ZAN: variants seen among roughly 807,000 people sequenced by gnomAD.
ZAN encodes zonadhesin, also known as zonadhesin (gene/pseudogene).
ZAN carries 260 observed loss-of-function variants against 286.2 expected under a neutral mutation model. The ratio of observed to expected loss-of-function variants is 0.91; its 90% CI spans 0.82 to 1.01. The LOEUF is 1.01. ZAN is among the 50% of genes least tolerant of loss of function. ZAN has a pLI of 0.00. For synonymous variants in ZAN, 1,368 were observed against 1,417.5 expected (o/e 0.97, Z 0.79); for missense variants, 3,410 against 3,639.2 (o/e 0.94, Z 1.62).
At chr7:100,749,963 A>G (rs1268677857) in intron 11 of ZAN, among the ~76,000 whole-genome samples, 1 of 148,496 alleles carries the variant, frequency 6.7e-6, no homozygotes, top group Middle Eastern at 3.2e-3. Flanking sequence ...AGGCAGGACA[A>G]TCGCTTGAAC....
rs974094279 is a variant in ZAN, at chr7:100,788,123, G to C, written c.7214G>C (p.Gly2405Ala). The C allele has an allele frequency of 6.7e-7, 1 of 1,500,780 alleles. No homozygotes were observed. The highest frequency in any genetic ancestry group is 9.0e-7 in the Non-Finnish European group (1 of 1,110,808). The allele number at this position is 1,500,780 out of a possible 1,614,324, so 93.0% of individuals were successfully genotyped here. A position where few individuals can be genotyped will look rare whatever the true frequency, so the allele number is the denominator to read the frequency against. The change falls in exon 38 of 48, where the codon GGT becomes GCT. Residue 2405 changes from glycine to alanine, a missense_variant. This residue lies in a region of ZAN where 1,289 missense variants were observed against 1,314.3 expected (regional missense o/e 0.98). Coordinates refer to ENST00000613979, the MANE Select transcript of ZAN (RefSeq NM_003386.3). ...GGCTATAAAGTGCAGCTCCAAGCTG[G>C]TCTGGAGCTTGTGGTAAGAGCTGGG... ...VYGYKVQLQA[G>A]LELVVNNQKM...
In ZAN at chr7:100,752,069, C is replaced by T. The variant is rs757236449; in HGVS notation, c.1964C>T (p.Thr655Ile). ...EKPTISTEKPTVPTEEPTTPT... is the reference protein window; with the variant it reads ...EKPTISTEKPIVPTEEPTTPT... ...CCCACCATTTCCACAGAAAAACCCACCGTCCCCACAGAAGAGCCCACCACC... is the reference window on the plus strand; with the variant it reads ...CCCACCATTTCCACAGAAAAACCCATCGTCCCCACAGAAGAGCCCACCACC... Residue 655 changes from threonine (T) to isoleucine (I), a missense_variant, in exon 14 of 48, where the codon ACC (threonine) becomes ATC (isoleucine). Physicochemically the swap from Thr to Ile is moderately conservative, Grantham distance 89. Transcript: ENST00000613979. 44 of 1,612,860 alleles carry T rather than the reference C, an allele frequency of 2.7e-5. No homozygotes were observed. Among genetic ancestry groups the T allele is most frequent in the Non-Finnish European group, 3.6e-5 (42 of 1,179,736 alleles).
Position 100,797,777 on chromosome 7 carries a change from T to A in ZAN, c.*45T>A. The stretch of plus-strand genomic sequence containing the variant: ...TCTTCAGACAAGAAGATTAAATAAA[T>A]TTATATATTTATTTATTTGAGACAG... On this transcript the variant is annotated 3_prime_UTR_variant, in exon 48 of 48. Coordinates refer to ENST00000613979, the MANE Select transcript of ZAN (RefSeq NM_003386.3). The A allele has an allele frequency of 1.3e-6, 2 of 1,590,606 alleles. No individual in the cohort carries two copies. The highest frequency in any genetic ancestry group is 8.6e-7 in the Non-Finnish European group (1 of 1,167,930).
intron 26 of ZAN, among the ~76,000 whole-genome samples, chr7:100,768,378 G>A (rs376066483): frequency 2.0e-5 from 3 of 152,220 alleles, no homozygotes; most frequent in East Asian, 3.9e-4. Flanking sequence ...AGGCTGACGC[G>A]GGAGAATCGC....
At chr7:100,757,619 G>A (rs1035113989) in intron 15 of ZAN, among the ~76,000 whole-genome samples, 2 of 151,820 alleles carry the variant, frequency 1.3e-5, no homozygotes, top group Non-Finnish European at 2.9e-5. Context: ...GCCGGGCGTC[G>A]TGGCGGGTGC....
chr7:100,769,338 C>A (rs1810220089), intron 27 of ZAN, among the ~76,000 whole-genome samples: 1 of 152,096 alleles, frequency 6.6e-6, no homozygotes, highest in Non-Finnish European at 1.5e-5. Flanking sequence ...AGGTGATCTG[C>A]CTGCCTTGGC....
In ZAN at chr7:100,794,230, G is replaced by A; in HGVS notation, c.8097G>A (p.Leu2699=). The A allele has an allele frequency of 1.9e-6, 3 of 1,610,984 alleles. No homozygotes were observed. Among genetic ancestry groups the A allele is most frequent in the Admixed American group, 3.3e-5 (2 of 59,786 alleles). ...FSCRAGEVCT[L]GNHTQGCFPE... ...GCAGAGCGGGGGAGGTCTGCACCCT[G>A]GGGAACCACACCCAAGGCTGCTTTC... The change falls in exon 44 of 48, where the codon CTG becomes CTA. Residue 2699 remains leucine, a synonymous_variant. Transcript: ENST00000613979.
intron 7 of ZAN, among the ~76,000 whole-genome samples, chr7:100,743,338 A>G (rs1358870555): frequency 6.6e-6 from 1 of 151,704 alleles, no homozygotes; most frequent in Middle Eastern, 3.2e-3. Context: ...CTTTCTTTCT[A>G]TGCACCCAAG....
chr7:100,771,973 G>T lies in ZAN; in HGVS notation c.5378G>T (p.Cys1793Phe). 1 of 1,608,708 alleles carries T rather than the reference G, an allele frequency of 6.2e-7. No individual in the cohort carries two copies. The highest frequency in any genetic ancestry group is 8.5e-7 in the Non-Finnish European group (1 of 1,178,952). ...TCCCTGCAGGCCTACGCGTCCCTGTGTGCCCAGGCTGGCCAGGCCCCTGCC... is the reference window on the plus strand; with the variant it reads ...TCCCTGCAGGCCTACGCGTCCCTGTTTGCCCAGGCTGGCCAGGCCCCTGCC... ...CRSLQAYASL[C>F]AQAGQAPAWR... is the part of the protein sequence containing the mutation. Residue 1793 changes from cysteine (C) to phenylalanine (F), a missense_variant, in exon 29 of 48, where the codon TGT becomes TTT. Around this residue, in one of 7 missense-constraint regions of ZAN, gnomAD observed 1,289 missense variants for 1,314.3 expected, o/e 0.98. Coordinates refer to ENST00000613979, the MANE Select transcript of ZAN (RefSeq NM_003386.3).
At position 100,789,273 on chromosome 7, in the gene ZAN, C is replaced by T. The variant is rs776712886; in HGVS notation, c.7283C>T (p.Thr2428Ile). 2 of 1,613,880 alleles carry T rather than the reference C, an allele frequency of 1.2e-6. No individual in the cohort carries two copies. The highest frequency in any genetic ancestry group is 2.2e-5 in the East Asian group (1 of 44,884). ...AGGCCAAATGAACACCTGCGGGTCA[C>T]CCTGTGGGGCCAACGGCTCTACCTG... is the stretch of plus-strand genomic sequence containing the variant. ...PYRPNEHLRV[T>I]LWGQRLYLVT... is the part of the protein sequence containing the mutation. The change falls in exon 39 of 48, where the codon ACC (threonine) becomes ATC (isoleucine). Residue 2428 changes from threonine to isoleucine, a missense_variant. Physicochemically the swap from Thr to Ile is moderately conservative, Grantham distance 89. Transcript: ENST00000613979.
At chr7:100,735,666 A>T in intron 2 of ZAN, 54 bp from the exon 3 acceptor site, 1 of 1,300,442 alleles carries the variant, frequency 7.7e-7, no homozygotes, top group Non-Finnish European at 1.1e-6. Flanking sequence ...TGAATCTTAT[A>T]ATTCTTGATA....
chr7:100,742,132 G>C (rs1240337507), intron 7 of ZAN, among the ~76,000 whole-genome samples: 1 of 44,752 alleles, frequency 2.2e-5, no homozygotes, highest in Non-Finnish European at 4.5e-5. Context: ...CAGGCAGAGG[G>C]TCTCCTCACT....
chr7:100,767,996 C>T lies in ZAN; in HGVS notation c.5026C>T (p.Leu1676Phe), dbSNP rs746036567. The T allele has an allele frequency of 3.1e-6, 5 of 1,612,588 alleles. No homozygotes were observed. In the South Asian group the frequency reaches 4.4e-5, roughly 14 times the overall value. ...AGTCCCCTCCTCCTATGGCGGCCAG[C>T]TCTGTGGGCTGTGTGGTGAGTTTCC... ...VTVPSSYGGQ[L>F]CGLCGNYNNN... The change falls in exon 26 of 48, where the codon CTC (leucine) becomes TTC (phenylalanine). Residue 1676 changes from leucine (L) to phenylalanine (F), a missense_variant. This residue lies in a region of ZAN where 1,042 missense variants were observed against 1,058.0 expected (regional missense o/e 0.98). Coordinates refer to ENST00000613979, the MANE Select transcript of ZAN (RefSeq NM_003386.3).
At chr7:100,749,415 C>CT (rs1562920882) in intron 11 of ZAN, among the ~76,000 whole-genome samples, 1 of 150,068 alleles carries the variant, frequency 6.7e-6, no homozygotes, top group East Asian at 2.0e-4. Flanking sequence ...CCAAGGAGGG[C>CT]GGATCACAAG....
At chr7:100,769,762 G>C in intron 27 of ZAN, 118 bp from the exon 28 acceptor site, 1 of 842,688 alleles carries the variant, frequency 1.2e-6, no homozygotes, top group Admixed American at 2.4e-5. Flanking sequence ...GCCCAGGCTG[G>C]TCTTGAACTT....
At chr7:100,749,841 G>A (rs1369737922) in intron 11 of ZAN, among the ~76,000 whole-genome samples, 2 of 150,452 alleles carry the variant, frequency 1.3e-5, no homozygotes, top group East Asian at 2.0e-4. Flanking sequence ...ACTTGAGGCC[G>A]AAAGTTCAAG....
At chr7:100,744,431 C>A (rs1471751920) in intron 7 of ZAN, among the ~76,000 whole-genome samples, 1 of 150,640 alleles carries the variant, frequency 6.6e-6, no homozygotes, top group African/African-American at 2.5e-5. Flanking sequence ...AAACCCGTCT[C>A]TACTAAAAAT....
intron 7 of ZAN, among the ~76,000 whole-genome samples, chr7:100,741,084 G>A (rs1807714204): frequency 1.6e-5 from 1 of 62,170 alleles, no homozygotes; most frequent in African/African-American, 5.1e-5. Context: ...CTCCCGGACG[G>A]GGCGGCTGGC....
Position 100,760,532 on chromosome 7 carries a change from T to C in ZAN, c.3838T>C (p.Ser1280Pro). ...TGACCAGCAGCTGTATGTTACTGTG[T>C]CCAGGTAAGGCAGTGTCCCAGCCAG... is the stretch of plus-strand genomic sequence containing the variant. ...DGDQQLYVTV[S>P]STYSGKLCGL... The change falls in exon 19 of 48, where the codon TCC becomes CCC. Residue 1280 changes from serine (S) to proline (P), a missense_variant. Physicochemically the swap from Ser to Pro is moderately conservative, Grantham distance 74. Transcript: ENST00000613979. The C allele has an allele frequency of 1.2e-6, 2 of 1,613,886 alleles. No individual in the cohort carries two copies. Among genetic ancestry groups the C allele is most frequent in the Non-Finnish European group, 1.7e-6 (2 of 1,179,832 alleles).
Sources: gnomAD v4.1 joint callset for allele counts (sites outside exome capture counted in the v4.1 genomes callset) on GRCh38, gnomAD v4.1.1 for gene constraint, gnomAD v4.1.1 regional missense constraint, MANE v1.5 for transcripts, NCBI Gene and HGNC (gene_info 2026-07-23, HGNC 2026-07-21) for gene names.